Variants in INPP4B observed in about 807,000 individuals in gnomAD.
INPP4B encodes the protein inositol polyphosphate 4-phosphatase type II.
A neutral mutation model predicts 122.5 loss-of-function variants in INPP4B; 55 were observed. The observed-to-expected ratio is 0.45, with a 90% CI of 0.36 to 0.56. The LOEUF is 0.56. Ranked by LOEUF, INPP4B falls within the 20% of genes least tolerant of loss-of-function variation. INPP4B has a pLI of 0.00. For synonymous variants in INPP4B, 403 were observed against 388.7 expected, an observed-to-expected ratio of 1.04 and a Z score of -0.43; for missense variants, 1,000 against 1,097.7, an observed-to-expected ratio of 0.91 and a Z score of 1.26.
chr4:142,688,882 C>T (rs1342468522), intron 2 of INPP4B, among the ~76,000 whole-genome samples: 4 of 152,202 alleles, frequency 2.6e-5, no homozygotes, highest in Non-Finnish European at 1.5e-5. Flanking sequence ...AGACTCTGCA[C>T]TCAATGGATC....
At chr4:142,064,616 C>A (rs963370770) in intron 25 of INPP4B, among the ~76,000 whole-genome samples, 5 of 152,062 alleles carry the variant, frequency 3.3e-5, no homozygotes, top group African/African-American at 4.8e-5. Flanking sequence ...AAGTGGAAGG[C>A]ATTTTTCCCT....
At chr4:142,084,412 C>T (rs959324797) in intron 24 of INPP4B, among the ~76,000 whole-genome samples, 2 of 152,082 alleles carry the variant, frequency 1.3e-5, no homozygotes, top group Non-Finnish European at 2.9e-5. Context: ...AGCCACCACG[C>T]CTGGCCACTT....
At chr4:142,251,814 A>C (rs1265458603) in intron 11 of INPP4B, among the ~76,000 whole-genome samples, 3 of 152,204 alleles carry the variant, frequency 2.0e-5, no homozygotes, top group Non-Finnish European at 4.4e-5. Flanking sequence ...GAAAACTGCT[A>C]ATCATTTAGG....
At chr4:142,147,948 G>C (rs1811683978) in intron 17 of INPP4B, among the ~76,000 whole-genome samples, 1 of 152,176 alleles carries the variant, frequency 6.6e-6, no homozygotes, top group Non-Finnish European at 1.5e-5. Flanking sequence ...GGAAGGGTAA[G>C]TAACCTGATG....
At chr4:142,544,642 A>C (rs1373878974) in intron 2 of INPP4B, among the ~76,000 whole-genome samples, 1 of 152,060 alleles carries the variant, frequency 6.6e-6, no homozygotes, top group Non-Finnish European at 1.5e-5. Context: ...TCATATTGTG[A>C]CTCTGGAGGG....
intron 2 of INPP4B, among the ~76,000 whole-genome samples, chr4:142,642,844 T>C (rs1353489590): frequency 2.6e-5 from 4 of 152,212 alleles, no homozygotes; most frequent in Non-Finnish European, 5.9e-5. Context: ...ATTGAATCTA[T>C]AAATTACCTT....
chr4:142,641,474 G>A (rs1176573682), intron 2 of INPP4B, among the ~76,000 whole-genome samples: 1 of 148,032 alleles, frequency 6.8e-6, no homozygotes, highest in Non-Finnish European at 1.5e-5. Flanking sequence ...CTGTGTCCAA[G>A]TGTTCTCATT....
At chr4:142,129,393 A>C (rs1800165110) in intron 18 of INPP4B, among the ~76,000 whole-genome samples, 1 of 152,198 alleles carries the variant, frequency 6.6e-6, no homozygotes, top group Admixed American at 6.5e-5. Context: ...TCTGTGAGTG[A>C]AGTTCTTGTC....
At chr4:142,571,540 A>G (rs1441665978) in intron 2 of INPP4B, among the ~76,000 whole-genome samples, 1 of 152,152 alleles carries the variant, frequency 6.6e-6, no homozygotes, top group Non-Finnish European at 1.5e-5. Context: ...TCACTTAATA[A>G]CAATACTTTA....
At chr4:142,835,726 T>C (rs968611151) in intron 1 of INPP4B, among the ~76,000 whole-genome samples, 2 of 152,244 alleles carry the variant, frequency 1.3e-5, no homozygotes, top group East Asian at 1.9e-4. Flanking sequence ...TTATGACACC[T>C]GAGTGAGCTG....
At chr4:142,130,895 C>T (rs1049830533) in intron 18 of INPP4B, among the ~76,000 whole-genome samples, 3 of 152,196 alleles carry the variant, frequency 2.0e-5, no homozygotes, top group African/African-American at 7.2e-5. Flanking sequence ...TGTCATAAAA[C>T]TTTCCAGTCT....
intron 3 of INPP4B, among the ~76,000 whole-genome samples, chr4:142,461,320 A>C (rs1816687754): frequency 6.6e-6 from 1 of 152,246 alleles, no homozygotes; most frequent in Non-Finnish European, 1.5e-5. Context: ...AAAGAGAATA[A>C]GCATTTTCAA....
At chr4:142,572,992 G>C (rs1478512793) in intron 2 of INPP4B, among the ~76,000 whole-genome samples, 1 of 151,834 alleles carries the variant, frequency 6.6e-6, no homozygotes, top group Non-Finnish European at 1.5e-5. Flanking sequence ...ACCTGAGACT[G>C]GGTAATTTAT....
rs547724363 is a variant in INPP4B at position 142,171,728 on chromosome 4, G to A, written c.1359+1904C>T. On this transcript the variant is annotated intron_variant, in intron 16 of 25. Transcript: ENST00000262992. ...ATCCTCCTAGTTTTAAGGACTGAGA[G>A]ATTTATTAGTCGACTAAGCTTGTCT... Among the ~76,000 whole-genome samples the A allele has an allele frequency of 4.8e-3, 725 of 151,930 alleles. 7 individuals are homozygous for A. Among genetic ancestry groups the A allele is most frequent in the African/African-American group, 0.017 (698 of 41,498 alleles).
At chr4:142,056,230 G>T (rs1048141537) in intron 25 of INPP4B, among the ~76,000 whole-genome samples, 1 of 152,036 alleles carries the variant, frequency 6.6e-6, no homozygotes, top group African/African-American at 2.4e-5. Context: ...GATACCAGGG[G>T]GTTGGGAACC....
At chr4:142,163,662 A>G (rs558598431) in intron 16 of INPP4B, among the ~76,000 whole-genome samples, 1 of 151,964 alleles carries the variant, frequency 6.6e-6, no homozygotes, top group South Asian at 2.1e-4. Flanking sequence ...TATCATAGCT[A>G]TGCATGTGTA....
At chr4:142,845,879 G>T (rs1399881037) in intron 1 of INPP4B, among the ~76,000 whole-genome samples, 3 of 152,108 alleles carry the variant, frequency 2.0e-5, no homozygotes, top group African/African-American at 7.2e-5. Context: ...AGAGTTCCAC[G>T]GGGGCCCGGA....
chr4:142,311,637 T>G (rs1369688367), intron 8 of INPP4B, among the ~76,000 whole-genome samples: 1 of 152,182 alleles, frequency 6.6e-6, no homozygotes, highest in Admixed American at 6.5e-5. Context: ...CCTATCTAAC[T>G]CACTTTCTGC....
At position 142,808,227 on chromosome 4, in the gene INPP4B, AT is replaced by A. The variant is rs1355065245; in HGVS notation, c.-254+37981del. Among the ~76,000 whole-genome samples the A allele has an allele frequency of 5.9e-5, 9 of 152,328 alleles. No homozygotes were observed. The East Asian group carries it at 1.7e-3, about 29-fold the overall frequency. ...CTTGTTTCATTTTGCTGAATAACAAATGTTGAAAATAATTACCAAATAAGGT... is the reference window on the plus strand; with the variant it reads ...CTTGTTTCATTTTGCTGAATAACAAAGTTGAAAATAATTACCAAATAAGGT... On this transcript the variant is annotated intron_variant, in intron 1 of 25. Transcript: ENST00000262992.
Sources: gnomAD v4.1 joint callset for allele counts (sites outside exome capture counted in the v4.1 genomes callset) on GRCh38, gnomAD v4.1.1 for gene constraint, MANE v1.5 for transcripts, NCBI Gene and HGNC (gene_info 2026-07-23, HGNC 2026-07-21) for gene names.